CPEB3: variants seen among roughly 807,000 people sequenced by gnomAD.
CPEB3 encodes cytoplasmic polyadenylation element-binding protein 3.
A neutral mutation model predicts 67.2 loss-of-function variants in CPEB3; 20 were observed. The observed-to-expected ratio is 0.30, with a 90% CI of 0.21 to 0.43. The LOEUF is 0.43. Ranked by LOEUF, CPEB3 falls within the 20% of genes least tolerant of loss-of-function variation. The probability of loss-of-function intolerance (pLI) is 1.00; values close to 1 mark genes in which losing one functional copy is unlikely to be tolerated. For missense variants in CPEB3, 746 were observed against 968.6 expected (o/e 0.77, Z 3.05); for synonymous variants, 376 against 393.1 (o/e 0.96, Z 0.51).
At chr10:92,120,108 A>AAAAAAAAAAACAAGCAAAAAAAAAAAC (rs1479690651) in intron 6 of CPEB3, among the ~76,000 whole-genome samples, 1 of 141,148 alleles carries the variant, frequency 7.1e-6, no homozygotes, top group African/African-American at 2.7e-5. Flanking sequence ...CAAAAAAAAA[A>AAAAAAAAAAACAAGCAAAAAAAAAAAC]AAAAAAAAAC....
At chr10:92,180,924 G>T in intron 4 of CPEB3, 39 bp downstream of exon 4, 3 of 1,021,410 alleles carry the variant, frequency 2.9e-6, no homozygotes, top group South Asian at 2.6e-5. Flanking sequence ...CTGCAAACTT[G>T]ACTGCTAATT....
intron 1 of CPEB3, among the ~76,000 whole-genome samples, chr10:92,257,024 C>T (rs899116900): frequency 2.6e-5 from 4 of 152,164 alleles, no homozygotes; most frequent in Admixed American, 2.6e-4. Context: ...ATGTAAAGCA[C>T]TTCTTTAACA....
rs1842001733 is a variant in CPEB3 at position 92,053,670 on chromosome 10, T to C, written c.1870-1231A>G. On this transcript the variant is annotated intron_variant, in intron 9 of 9. Transcript: ENST00000265997. ...CATTCTCCTGCCTTAGCCTCCTGAG[T>C]AGCTGGGACTACAGGCACCCGCCAC... is the stretch of plus-strand genomic sequence containing the variant. Among the ~76,000 whole-genome samples the C allele has an allele frequency of 1.3e-5, 2 of 151,930 alleles. 1 individual carries two copies. The highest frequency in any genetic ancestry group is 4.1e-4 in the South Asian group (2 of 4,822).
intron 8 of CPEB3, among the ~76,000 whole-genome samples, chr10:92,089,482 T>G (rs1004630475): frequency 6.6e-6 from 1 of 152,050 alleles, no homozygotes; most frequent in African/African-American, 2.4e-5. Context: ...AATTTTAGCT[T>G]AGTTGAAAAA....
At chr10:92,069,254 G>A (rs767237898) in intron 9 of CPEB3, among the ~76,000 whole-genome samples, 4 of 152,046 alleles carry the variant, frequency 2.6e-5, no homozygotes, top group Non-Finnish European at 4.4e-5. Flanking sequence ...TGCCCAACAT[G>A]TGTCAACTAA....
intron 6 of CPEB3, among the ~76,000 whole-genome samples, chr10:92,111,705 T>C (rs1844751019): frequency 6.6e-6 from 1 of 152,170 alleles, no homozygotes; most frequent in Non-Finnish European, 1.5e-5. Flanking sequence ...GAGTTTCTTT[T>C]TGGGATGATA....
At position 92,215,198 on chromosome 10, in the gene CPEB3, G is replaced by A. The variant is rs1322033948; in HGVS notation, c.1006-22562C>T. ...GACGGAGTCTCACTCTGTTGCCCGG[G>A]CTAGAGTGCAGTAGTGCAATCTCAG... On this transcript the variant is annotated intron_variant, in intron 2 of 9. Coordinates refer to ENST00000265997, the MANE Select transcript of CPEB3 (RefSeq NM_014912.5). Among the ~76,000 whole-genome samples, 5 of 151,104 alleles carry A rather than the reference G, an allele frequency of 3.3e-5. 1 individual carries two copies. The highest frequency in any genetic ancestry group is 2.6e-4 in the Admixed American group (4 of 15,146).
rs756445603 is a variant in CPEB3, at chr10:92,052,233, G to T, written c.2076C>A (p.His692Gln). The change falls in exon 10 of 10, where the codon CAC becomes CAA. Residue 692 changes from histidine to glutamine, a missense_variant. By Grantham distance (24) the His-to-Gln change is conservative. Around this residue, in one of 2 missense-constraint regions of CPEB3, gnomAD observed 103 missense variants for 251.1 expected, o/e 0.41. Coordinates refer to ENST00000265997, the MANE Select transcript of CPEB3 (RefSeq NM_014912.5). ...TGGCTCAGCTCCAGCGGAACGGGACGTGACGAGGGCGGTCGCCTCCCTCCT... is the reference window on the plus strand; with the variant it reads ...TGGCTCAGCTCCAGCGGAACGGGACTTGACGAGGGCGGTCGCCTCCCTCCT... ...LVKEGGDRPR[H>Q]VPFRWS 1.2e-6 allele frequency: 2 copies of T among 1,613,692 alleles called. No homozygotes were observed. The highest frequency in any genetic ancestry group is 1.7e-6 in the Non-Finnish European group (2 of 1,179,784).
chr10:92,167,171 T>C (rs1478903988), intron 4 of CPEB3, among the ~76,000 whole-genome samples: 1 of 152,208 alleles, frequency 6.6e-6, no homozygotes, highest in Non-Finnish European at 1.5e-5. Flanking sequence ...GTTTGTTCTT[T>C]TACTCAGGCC....
At chr10:92,291,199 A>G (rs1842850170), upstream of CPEB3, 1 of 508,624 alleles carries the variant, frequency 2.0e-6, no homozygotes, top group African/African-American at 2.1e-5. Context: ...GCCGGCAGCA[A>G]CTCGGCGCCC....
chr10:92,081,166 CT>C (rs2133212743), intron 9 of CPEB3, among the ~76,000 whole-genome samples, 153 bp downstream of exon 9: 1 of 152,284 alleles, frequency 6.6e-6, no homozygotes, highest in South Asian at 2.1e-4. Context: ...ATCAACAGTG[CT>C]CTCTTTTTCA....
At chr10:92,257,742 T>G (rs1354396182) in intron 1 of CPEB3, among the ~76,000 whole-genome samples, 1 of 151,304 alleles carries the variant, frequency 6.6e-6, no homozygotes, top group Non-Finnish European at 1.5e-5. Flanking sequence ...TTTTTTTTTT[T>G]TTTTGAGATG....
chr10:92,223,749 A>ATTTTTTTTTT (rs377483708), intron 2 of CPEB3, among the ~76,000 whole-genome samples: 1 of 111,444 alleles, frequency 9.0e-6, no homozygotes. Context: ...AATTTTTGTA[A>ATTTTTTTTTT]TTTTTTTTTT....
chr10:92,273,472 T>C (rs1487446730), intron 1 of CPEB3, among the ~76,000 whole-genome samples: 1 of 152,094 alleles, frequency 6.6e-6, no homozygotes, highest in Non-Finnish European at 1.5e-5. Flanking sequence ...TTAGATATAA[T>C]ACCCTCACAA....
intron 4 of CPEB3, among the ~76,000 whole-genome samples, chr10:92,161,887 T>A (rs1038692960): frequency 7.9e-5 from 12 of 152,068 alleles, no homozygotes; most frequent in Non-Finnish European, 1.3e-4. Context: ...GGTCTCGAAC[T>A]CCTGACCTTG....
At chr10:92,134,661 T>C (rs1403061803) in intron 6 of CPEB3, among the ~76,000 whole-genome samples, 2 of 151,902 alleles carry the variant, frequency 1.3e-5, no homozygotes, top group South Asian at 2.1e-4. Flanking sequence ...TGGAAAAAAC[T>C]ACTTTAAAGT....
intron 4 of CPEB3, among the ~76,000 whole-genome samples, chr10:92,171,421 C>T (rs1847994380): frequency 6.6e-6 from 1 of 152,084 alleles, no homozygotes. Context: ...TTTCCGTATC[C>T]CTTGCCCACC....
At chr10:92,209,483 C>T (rs571412862) in intron 2 of CPEB3, among the ~76,000 whole-genome samples, 8 of 152,126 alleles carry the variant, frequency 5.3e-5, no homozygotes, top group African/African-American at 1.9e-4. Flanking sequence ...CAAGATCGTG[C>T]CATTGCACTC....
rs1348950597 is a variant in CPEB3 at position 92,248,981 on chromosome 10, C to G, written c.-11-8620G>C. ...AATGAAGCTGAAAAATTCCAATCAC[C>G]TCCTCACTTTGTAGCTGTCAATGTC... On this transcript the variant is annotated intron_variant, in intron 1 of 9. Coordinates refer to ENST00000265997, the MANE Select transcript of CPEB3 (RefSeq NM_014912.5). 3.9e-5 allele frequency among the ~76,000 whole-genome samples: 6 copies of G among 152,194 alleles called. No homozygotes were observed. The East Asian group carries it at 1.2e-3, about 29-fold the overall frequency.
Sources: allele counts gnomAD v4.1 joint callset (sites outside exome capture counted in the v4.1 genomes callset), GRCh38; gene constraint gnomAD v4.1.1; regional missense constraint gnomAD v4.1.1; transcripts MANE v1.5; gene names NCBI Gene and HGNC (gene_info 2026-07-23, HGNC 2026-07-21).